Variants in DOP1B observed in about 807,000 individuals in gnomAD.
DOP1B encodes protein DOP1B.
In DOP1B, 174 loss-of-function variants were observed where a neutral mutation model predicts 233.5. That is an observed-to-expected ratio of 0.75 (90% CI 0.66 to 0.85). The LOEUF (loss-of-function observed/expected upper bound fraction) is 0.85, where lower values mean the gene tolerates loss of function less well. Ranked by LOEUF, DOP1B falls within the 40% of genes least tolerant of loss-of-function variation. The pLI is 0.00. For synonymous variants in DOP1B, 1,190 were observed against 1,185.6 expected (o/e 1.00, Z -0.08); for missense variants, 2,652 against 2,846.6 (o/e 0.93, Z 1.56).
chr21:36,169,402 G>T, intron 2 of DOP1B: 1 of 890,640 alleles, frequency 1.1e-6, no homozygotes, highest in South Asian at 1.3e-5. Flanking sequence ...AGGCCACATG[G>T]TCAGGATGCC....
At chr21:36,161,202 A>G (rs898297080) in intron 1 of DOP1B, among the ~76,000 whole-genome samples, 10 of 151,784 alleles carry the variant, frequency 6.6e-5, no homozygotes, top group African/African-American at 2.4e-4. Flanking sequence ...CTGGAGTGCA[A>G]TGGTGCGATC....
At chr21:36,265,624 C>A (rs942108804) in intron 26 of DOP1B, among the ~76,000 whole-genome samples, 6 of 152,172 alleles carry the variant, frequency 3.9e-5, no homozygotes, top group Non-Finnish European at 7.3e-5. Context: ...GCTCTGGCCA[C>A]AGGCATTCCC....
At chr21:36,271,861 GT>G (rs1347523223) in intron 27 of DOP1B, among the ~76,000 whole-genome samples, 2 of 151,890 alleles carry the variant, frequency 1.3e-5, no homozygotes, top group African/African-American at 2.4e-5. Context: ...AGCTGGGAGG[GT>G]TGGCTCATGC....
chr21:36,230,534 C>G lies in DOP1B; in HGVS notation c.1750C>G (p.Leu584Val). ...PGDEDASFPP[L>V]KSEDSGIGLS... ...TGACGAAGATGCTTCGTTTCCCCCT[C>G]TGAAGTCTGAGGACAGTGGGATCGG... Residue 584 changes from leucine to valine, a missense_variant, in exon 14 of 37, where the codon CTG becomes GTG. Physicochemically the swap from Leu to Val is conservative, Grantham distance 32. Transcript: ENST00000691173. The G allele has an allele frequency of 6.2e-7, 1 of 1,614,204 alleles. No individual in the cohort carries two copies. The highest frequency in any genetic ancestry group is 8.5e-7 in the Non-Finnish European group (1 of 1,180,030).
intron 27 of DOP1B, among the ~76,000 whole-genome samples, chr21:36,275,463 C>T (rs1220110140): frequency 6.6e-6 from 1 of 151,864 alleles, no homozygotes; most frequent in East Asian, 1.9e-4. Flanking sequence ...ATCCCCATCT[C>T]TACAAAAATT....
At chr21:36,271,625 T>C (rs900435020) in intron 27 of DOP1B, among the ~76,000 whole-genome samples, 25 of 151,992 alleles carry the variant, frequency 1.6e-4, no homozygotes, top group Admixed American at 3.9e-4. Flanking sequence ...GTTTTGACTT[T>C]TTACAACATA....
At chr21:36,281,357 G>A (rs1285803983) in intron 31 of DOP1B, 126 bp from the exon 32 acceptor site, 8 of 995,770 alleles carry the variant, frequency 8.0e-6, no homozygotes, top group African/African-American at 4.9e-5. Flanking sequence ...GTAATCTCAT[G>A]TCCTTACTTA....
chr21:36,227,041 TA>T (rs1181606422), intron 12 of DOP1B, among the ~76,000 whole-genome samples: 1 of 148,832 alleles, frequency 6.7e-6, no homozygotes, highest in African/African-American at 2.5e-5. Flanking sequence ...CCGTCTCTAC[TA>T]AAAAAAATAC....
chr21:36,276,008 CG>C (rs1396259758), intron 27 of DOP1B, among the ~76,000 whole-genome samples: 3 of 151,896 alleles, frequency 2.0e-5, no homozygotes, highest in African/African-American at 7.3e-5. Context: ...ATGCTGGAAA[CG>C]GAGATTTGAG....
intron 5 of DOP1B, among the ~76,000 whole-genome samples, chr21:36,210,763 G>T (rs1216303133): frequency 1.3e-5 from 2 of 152,192 alleles, no homozygotes; most frequent in African/African-American, 4.8e-5. Flanking sequence ...AGTGAGTCAA[G>T]ATCACACCAC....
At chr21:36,264,465 CTTTT>C (rs766718183) in intron 26 of DOP1B, among the ~76,000 whole-genome samples, 5 of 140,386 alleles carry the variant, frequency 3.6e-5, no homozygotes, top group Non-Finnish European at 6.3e-5. Context: ...TTCTTTTTTT[CTTTT>C]TTTTTTTTTT....
chr21:36,255,158 A>G (rs1230188611), intron 23 of DOP1B, among the ~76,000 whole-genome samples: 1 of 151,574 alleles, frequency 6.6e-6, no homozygotes, highest in African/African-American at 2.4e-5. Context: ...TTCGAGATGA[A>G]GTCTCACTTT....
Position 36,239,784 on chromosome 21 carries a change from G to T in DOP1B, c.2896G>T (p.Asp966Tyr), listed in dbSNP as rs2066871860. The T allele has an allele frequency of 1.3e-6, 2 of 1,547,152 alleles. No homozygotes were observed. Among genetic ancestry groups the T allele is most frequent in the South Asian group, 2.4e-5 (2 of 83,898 alleles). ...CTGCAGGTCCTTGTTTGTCGTGCTG[G>T]ACAGCCTGGCCTGCACGGATGGTGC... ...SFDRSLFVVL[D>Y]SLACTDGAIG... Residue 966 changes from aspartate (D) to tyrosine (Y), a missense_variant, in exon 18 of 37, where the codon GAC becomes TAC. Transcript: ENST00000691173.
intron 2 of DOP1B, among the ~76,000 whole-genome samples, chr21:36,178,361 T>C (rs2066054967): frequency 6.6e-6 from 1 of 151,274 alleles, no homozygotes; most frequent in Non-Finnish European, 1.5e-5. Context: ...TAGCCTGGTG[T>C]GGTAGCATGC....
intron 23 of DOP1B, among the ~76,000 whole-genome samples, chr21:36,256,940 T>A (rs2067104674): frequency 6.6e-6 from 1 of 152,090 alleles, no homozygotes; most frequent in Non-Finnish European, 1.5e-5. Flanking sequence ...GGAGATAGTG[T>A]CAGATCCCAC....
chr21:36,260,803 A>G, intron 24 of DOP1B, 71 bp downstream of exon 24: 2 of 1,588,618 alleles, frequency 1.3e-6, no homozygotes, highest in Admixed American at 3.8e-5. Context: ...TGCATAATAA[A>G]TATCTGGTTT....
chr21:36,247,378 T>G, intron 19 of DOP1B, 139 bp from the exon 20 acceptor site: 1 of 465,738 alleles, frequency 2.1e-6, no homozygotes, highest in East Asian at 3.4e-5. Context: ...ATTATTATAA[T>G]GATATTCTAT....
chr21:36,283,936 C>CTTTTTTTTTTTTTTTT (rs547999186), intron 32 of DOP1B, among the ~76,000 whole-genome samples: 1 of 100,992 alleles, frequency 9.9e-6, no homozygotes, highest in Non-Finnish European at 1.9e-5. Flanking sequence ...ACACCTGTTC[C>CTTTTTTTTTTTTTTTT]TTTTTTTTTT....
chr21:36,178,639 GC>G (rs1354480023), intron 2 of DOP1B, among the ~76,000 whole-genome samples: 2 of 152,140 alleles, frequency 1.3e-5, no homozygotes, highest in African/African-American at 4.8e-5. Context: ...TGTTATGGCA[GC>G]CTGGGCCAAC....
Sources: allele counts gnomAD v4.1 joint callset (sites outside exome capture counted in the v4.1 genomes callset), GRCh38; gene constraint gnomAD v4.1.1; transcripts MANE v1.5; gene names NCBI Gene and HGNC (gene_info 2026-07-23, HGNC 2026-07-21).